Variants in PIAS1 observed in about 807,000 individuals in gnomAD.
The protein encoded by PIAS1 is E3 SUMO-protein ligase PIAS1.
In PIAS1, 6 loss-of-function variants were observed where a neutral mutation model predicts 71.3. The observed-to-expected ratio is 0.08, with a 90% CI of 0.05 to 0.17. PIAS1 has a LOEUF of 0.17. PIAS1 is among the 10% of genes least tolerant of loss of function. The probability of loss-of-function intolerance (pLI) is 1.00; values close to 1 mark genes in which losing one functional copy is unlikely to be tolerated. For missense variants in PIAS1, 555 were observed against 793.6 expected, an observed-to-expected ratio of 0.70 and a Z score of 3.61; for synonymous variants, 303 against 292.9, an observed-to-expected ratio of 1.03 and a Z score of -0.35.
Position 68,099,706 on chromosome 15 carries a change from T to C in PIAS1, c.469+12956T>C, listed in dbSNP as rs1235211595. On this transcript the variant is annotated intron_variant, in intron 2 of 13. Coordinates refer to ENST00000249636, the MANE Select transcript of PIAS1 (RefSeq NM_016166.3). The stretch of plus-strand genomic sequence containing the variant: ...TTTTTTGGGAGAAAATACCAAGTTG[T>C]CTTCCTGAGTGGCTGTACCACTTTC... Among the ~76,000 whole-genome samples, 3 of 151,854 alleles carry C rather than the reference T, an allele frequency of 2.0e-5. No homozygotes were observed. The East Asian group carries it at 5.8e-4, about 29-fold the overall frequency.
intron 1 of PIAS1, among the ~76,000 whole-genome samples, chr15:68,058,117 A>G (rs2091915795): frequency 6.6e-6 from 1 of 152,310 alleles, no homozygotes; most frequent in African/African-American, 2.4e-5. Flanking sequence ...AAAATGGCCA[A>G]TGGTTGTAGC....
At chr15:68,168,017 T>G (rs1209405845) in intron 8 of PIAS1, among the ~76,000 whole-genome samples, 1 of 151,250 alleles carries the variant, frequency 6.6e-6, no homozygotes. Flanking sequence ...TTTTTAAAAT[T>G]TTATTTTTTG....
intron 7 of PIAS1, among the ~76,000 whole-genome samples, chr15:68,155,429 C>A (rs1164722513): frequency 7.2e-6 from 1 of 138,902 alleles, no homozygotes. Flanking sequence ...GGTTATCTAC[C>A]TTTACCTGTA....
chr15:68,056,614 T>C (rs943749290), intron 1 of PIAS1, among the ~76,000 whole-genome samples: 3 of 152,132 alleles, frequency 2.0e-5, no homozygotes, highest in African/African-American at 7.2e-5. Flanking sequence ...TCTGAGACTT[T>C]GAGGAGCTGT....
At chr15:68,176,358 C>A in intron 10 of PIAS1, 116 bp from the exon 11 acceptor site, 2 of 565,098 alleles carry the variant, frequency 3.5e-6, no homozygotes, top group Non-Finnish European at 5.8e-6. Context: ...GTTTTCTACT[C>A]TCTGGCTCCA....
intron 2 of PIAS1, among the ~76,000 whole-genome samples, chr15:68,100,754 T>C (rs1431112214): frequency 6.6e-6 from 1 of 152,176 alleles, no homozygotes; most frequent in Non-Finnish European, 1.5e-5. Context: ...ACTGACTGTA[T>C]CATTTTACAT....
chr15:68,125,785 C>T (rs956326605), intron 2 of PIAS1, among the ~76,000 whole-genome samples: 5 of 152,086 alleles, frequency 3.3e-5, no homozygotes, highest in Non-Finnish European at 7.4e-5. Context: ...ACTGCAGCCT[C>T]AAACTCCTGA....
At chr15:68,087,602 A>T (rs1388985326) in intron 2 of PIAS1, among the ~76,000 whole-genome samples, 2 of 152,152 alleles carry the variant, frequency 1.3e-5, no homozygotes, top group Non-Finnish European at 2.9e-5. Context: ...AGTTATTAAC[A>T]AAAAAGGAAA....
At chr15:68,162,287 T>TA (rs1359325474) in intron 7 of PIAS1, among the ~76,000 whole-genome samples, 1 of 152,156 alleles carries the variant, frequency 6.6e-6, no homozygotes, top group Non-Finnish European at 1.5e-5. Flanking sequence ...ATAAGGTTGA[T>TA]ACTATGATCT....
intron 8 of PIAS1, among the ~76,000 whole-genome samples, chr15:68,166,962 A>G (rs1350698989): frequency 6.6e-6 from 1 of 152,152 alleles, no homozygotes; most frequent in Admixed American, 6.5e-5. Context: ...AGTAGCTGGG[A>G]CTACCGGCAT....
At chr15:68,073,845 A>G (rs146716258) in intron 1 of PIAS1, among the ~76,000 whole-genome samples, 51 of 152,330 alleles carry the variant, frequency 3.3e-4, no homozygotes, top group African/African-American at 1.2e-3. Context: ...AGTGAGGAGA[A>G]TGACTTGGAG....
rs1053514680 is a variant in PIAS1, at chr15:68,054,498, A to G, written c.24+148A>G. On this transcript the variant is annotated intron_variant, in intron 1 of 13. Transcript: ENST00000249636. The surrounding 1 kb of genome is among the most constrained non-coding windows in gnomAD (Gnocchi z 4.6). ...TAGGGAGAGAGGCGCGCCCGGTCTCAGCAGAGGGGGCCCGCCTGCGGCGGG... is the reference window on the plus strand; with the variant it reads ...TAGGGAGAGAGGCGCGCCCGGTCTCGGCAGAGGGGGCCCGCCTGCGGCGGG... The G allele has an allele frequency of 1.3e-6, 1 of 742,336 alleles. No individual in the cohort carries two copies. 46.0% of individuals were successfully genotyped at this position (742,336 alleles called of 1,614,324 possible).
chr15:68,188,058 CTT>C lies in PIAS1; in HGVS notation c.*224_*225del, dbSNP rs1289271714. 1 of 324,966 alleles carries C rather than the reference CTT, an allele frequency of 3.1e-6. No homozygotes were observed. 20.1% of individuals were successfully genotyped at this position (324,966 alleles called of 1,614,324 possible). A position where few individuals can be genotyped will look rare whatever the true frequency, so the allele number is the denominator to read the frequency against. On this transcript the variant is annotated 3_prime_UTR_variant, in exon 14 of 14. Coordinates refer to ENST00000249636, the MANE Select transcript of PIAS1 (RefSeq NM_016166.3). ...CTAAGACTGCCTGTGTGATAAAACA[CTT>C]GTTTAAAAAAAAAAAGGAAAGAAAA...
At chr15:68,131,999 T>C (rs544519643) in intron 2 of PIAS1, among the ~76,000 whole-genome samples, 1 of 144,392 alleles carries the variant, frequency 6.9e-6, no homozygotes, top group South Asian at 2.2e-4. Context: ...GTTCAGGAGT[T>C]TGAGACCAGC....
Position 68,185,862 on chromosome 15 carries a change from T to C in PIAS1, c.1663-1680T>C, listed in dbSNP as rs940040933. On this transcript the variant is annotated intron_variant, in intron 13 of 13. Coordinates refer to ENST00000249636, the MANE Select transcript of PIAS1 (RefSeq NM_016166.3). The surrounding 1 kb of genome is among the most constrained non-coding windows in gnomAD (Gnocchi z 4.4). The stretch of plus-strand genomic sequence containing the variant: ...CTGTAATCCCAGCTACTCGGGAGGC[T>C]GAGGCAGAAGAATCACTTGAACCTG... Among the ~76,000 whole-genome samples, 9 of 152,112 alleles carry C rather than the reference T, an allele frequency of 5.9e-5. No homozygotes were observed. The highest frequency in any genetic ancestry group is 2.6e-4 in the Admixed American group (4 of 15,268).
At chr15:68,080,626 A>C (rs1319251573) in intron 1 of PIAS1, among the ~76,000 whole-genome samples, 1 of 152,236 alleles carries the variant, frequency 6.6e-6, no homozygotes, top group South Asian at 2.1e-4. Flanking sequence ...GAAATCATCC[A>C]AAAGTAAGCC....
rs893591978 is a variant in PIAS1 at position 68,054,556 on chromosome 15, G to C, written c.24+206G>C. The stretch of plus-strand genomic sequence containing the variant: ...CCCCGGGTGCCTCGGGGGCGCTGAC[G>C]GGTCGTCCCCGGCGTGTTATTGTTG... On this transcript the variant is annotated intron_variant, in intron 1 of 13. Coordinates refer to ENST00000249636, the MANE Select transcript of PIAS1 (RefSeq NM_016166.3). The surrounding 1 kb of genome is among the most constrained non-coding windows in gnomAD (Gnocchi z 4.6). 1.8e-5 allele frequency: 9 copies of C among 503,028 alleles called. No homozygotes were observed. Among genetic ancestry groups the C allele is most frequent in the African/African-American group, 4.1e-5 (2 of 48,698 alleles). The allele number at this position is 503,028 out of a possible 1,614,324, so 31.2% of individuals were successfully genotyped here. A position where few individuals can be genotyped will look rare whatever the true frequency, so the allele number is the denominator to read the frequency against.
At chr15:68,096,777 T>C (rs924431275) in intron 2 of PIAS1, among the ~76,000 whole-genome samples, 1 of 152,184 alleles carries the variant, frequency 6.6e-6, no homozygotes. Context: ...CCTGCAGTTT[T>C]CCTGTTTGTT....
intron 1 of PIAS1, among the ~76,000 whole-genome samples, chr15:68,074,372 G>A (rs528750114): frequency 5.6e-4 from 85 of 151,834 alleles, no homozygotes; most frequent in Non-Finnish European, 6.3e-4. Context: ...ATGCTCTTCC[G>A]CCCAGGCTGG....
Sources: gnomAD v4.1 joint callset for allele counts (sites outside exome capture counted in the v4.1 genomes callset) on GRCh38, gnomAD v4.1.1 for gene constraint, Gnocchi (gnomAD v3.1) non-coding constraint, MANE v1.5 for transcripts, NCBI Gene and HGNC (gene_info 2026-07-23, HGNC 2026-07-21) for gene names.